Variants in ZFYVE16 observed in about 807,000 individuals in gnomAD.
ZFYVE16 encodes the protein zinc finger FYVE-type containing 16, also known as zinc finger FYVE domain-containing protein 16.
In ZFYVE16, 89 loss-of-function variants were observed where a neutral mutation model predicts 138.1. The observed-to-expected ratio is 0.64, with a 90% CI of 0.54 to 0.77. ZFYVE16 has a LOEUF of 0.77. Among genes scored for constraint, ZFYVE16 ranks in the 30% least tolerant of loss-of-function variants. The pLI is 0.00. For missense variants in ZFYVE16, 1,793 were observed against 1,786.7 expected (o/e 1.00, Z -0.06); for synonymous variants, 596 against 618.3 (o/e 0.96, Z 0.53).
intron 14 of ZFYVE16, among the ~76,000 whole-genome samples, chr5:80,458,895 A>G (rs1335979171): frequency 1.3e-5 from 2 of 152,238 alleles, no homozygotes; most frequent in Non-Finnish European, 2.9e-5. Context: ...AAACAGTACA[A>G]TACTCCATCA....
intron 1 of ZFYVE16, among the ~76,000 whole-genome samples, chr5:80,417,436 C>T (rs1355882284): frequency 2.6e-5 from 4 of 152,136 alleles, no homozygotes; most frequent in Admixed American, 6.6e-5. Context: ...TGGTTATTAA[C>T]GTGATTATCT....
intron 1 of ZFYVE16, among the ~76,000 whole-genome samples, chr5:80,419,420 C>G (rs1746750404): frequency 1.3e-5 from 2 of 152,054 alleles, no homozygotes; most frequent in Non-Finnish European, 2.9e-5. Context: ...CGTGTCTGTT[C>G]TCTTGCCAAT....
rs751491728 is a variant in ZFYVE16 at position 80,437,902 on chromosome 5, A to G, written c.1217A>G (p.Asn406Ser). 6.2e-7 allele frequency: 1 copy of G among 1,614,088 alleles called. No homozygotes were observed. Among genetic ancestry groups the G allele is most frequent in the East Asian group, 2.2e-5 (1 of 44,876 alleles). ...TTACCTCAGCATGAACATAAAGATA[A>G]TATACAAGATGCAGTGACTATACAT... ...DFLPQHEHKD[N>S]IQDAVTIHEE... is the part of the protein sequence containing the mutation. The change falls in exon 4 of 19, where the codon AAT becomes AGT. Residue 406 changes from asparagine (N) to serine (S), a missense_variant. By Grantham distance (46) the Asn-to-Ser change is conservative (BLOSUM62 1). Around this residue, in one of 2 missense-constraint regions of ZFYVE16, gnomAD observed 1,295 missense variants for 1,204.3 expected, o/e 1.08. Transcript: ENST00000505560.
In ZFYVE16 at chr5:80,437,750, T is replaced by G. The variant is rs1209324820; in HGVS notation, c.1065T>G (p.Asp355Glu). The G allele has an allele frequency of 1.2e-6, 2 of 1,614,172 alleles. No homozygotes were observed. The highest frequency in any genetic ancestry group is 1.1e-5 in the South Asian group (1 of 91,086). The change falls in exon 4 of 19, where the codon GAT (aspartate) becomes GAG (glutamate). Residue 355 changes from aspartate to glutamate, a missense_variant. Transcript: ENST00000505560. Reference protein sequence around the residue: ...DSKSLDLKDNDVIQDSSSALH... With the variant: ...DSKSLDLKDNEVIQDSSSALH... ...AAAGTTTAGACCTTAAGGATAATGA[T>G]GTAATCCAAGATTCCTCTTCAGCTT...
Position 80,437,418 on chromosome 5 carries a change from T to C in ZFYVE16, c.733T>C (p.Ser245Pro), listed in dbSNP as rs1750087418. Residue 245 changes from serine to proline, a missense_variant, in exon 4 of 19, where the codon TCA (serine) becomes CCA (proline). Around this residue, in one of 2 missense-constraint regions of ZFYVE16, gnomAD observed 1,295 missense variants for 1,204.3 expected, o/e 1.08. Transcript: ENST00000505560. ...QLESIVDFNM[S>P]SALTRQSSKM... is the part of the protein sequence containing the mutation. Reference sequence around the variant, plus strand: ...AGAATCAATTGTTGATTTTAACATGTCATCTGCTTTGACTCGACAAAGTTC... The same window carrying C: ...AGAATCAATTGTTGATTTTAACATGCCATCTGCTTTGACTCGACAAAGTTC... 1.2e-6 allele frequency: 2 copies of C among 1,604,034 alleles called. No homozygotes were observed. Among genetic ancestry groups the C allele is most frequent in the South Asian group, 2.2e-5 (2 of 89,842 alleles).
intron 9 of ZFYVE16, 81 bp from the exon 10 acceptor site, chr5:80,450,350 T>C (rs926646474): frequency 3.0e-5 from 42 of 1,396,854 alleles, no homozygotes; most frequent in Non-Finnish European, 3.6e-5. Context: ...TGAAAAGTTA[T>C]GTTAAATGCA....
intron 2 of ZFYVE16, among the ~76,000 whole-genome samples, chr5:80,430,129 AAT>A (rs1424253536): frequency 1.3e-5 from 2 of 152,212 alleles, no homozygotes; most frequent in African/African-American, 4.8e-5. Context: ...AAATCAACAG[AAT>A]ATACATTCTT....
chr5:80,436,717 G>T (rs2112357609), intron 3 of ZFYVE16, 39 bp from the exon 4 acceptor site: 6 of 1,504,488 alleles, frequency 4.0e-6, no homozygotes, highest in South Asian at 3.8e-5. Context: ...ATTTTTATTT[G>T]ATTTAAGTCT....
At position 80,477,315 on chromosome 5, in the gene ZFYVE16, T is replaced by G; in HGVS notation, c.4558T>G (p.Ser1520Ala). The change falls in exon 19 of 19, where the codon TCC (serine) becomes GCC (alanine). Residue 1520 changes from serine to alanine, a missense_variant. Physicochemically the swap from Ser to Ala is moderately conservative, Grantham distance 99. Transcript: ENST00000505560. Reference sequence around the variant, plus strand: ...GATACCTGTGATCCATGGTGGGACCTCCAACTCTAGTTTACCATTAGAAAT... The same window carrying G: ...GATACCTGTGATCCATGGTGGGACCGCCAACTCTAGTTTACCATTAGAAAT... The part of the protein sequence containing the change: ...ALIPVIHGGT[S>A]NSSLPLEIEL... The G allele has an allele frequency of 6.2e-7, 1 of 1,609,828 alleles. No individual in the cohort carries two copies. The highest frequency in any genetic ancestry group is 1.3e-5 in the African/African-American group (1 of 74,756).
rs1401360141 is a variant in ZFYVE16 at position 80,455,758 on chromosome 5, T to C, written c.3674T>C (p.Ile1225Thr). 1.3e-6 allele frequency: 2 copies of C among 1,582,934 alleles called. No individual in the cohort carries two copies. The highest frequency in any genetic ancestry group is 2.0e-5 in the Admixed American group (1 of 49,342). The change falls in exon 12 of 19, where the codon ATT (isoleucine) becomes ACT (threonine). Residue 1225 changes from isoleucine to threonine, a missense_variant. Coordinates refer to ENST00000505560, the MANE Select transcript of ZFYVE16 (RefSeq NM_001284236.3). ...KPLFGEIGHT[I>T]MNLLVDLRNY... Reference sequence around the variant, plus strand: ...CTTTTTGGAGAAATAGGACACACTATTATGAACTTACTTGTTGTGAGTAAT... The same window carrying C: ...CTTTTTGGAGAAATAGGACACACTACTATGAACTTACTTGTTGTGAGTAAT...
At chr5:80,411,622 C>A (rs1294312512) in intron 1 of ZFYVE16, 1 of 152,156 alleles carries the variant, frequency 6.6e-6, no homozygotes, top group East Asian at 1.9e-4. Flanking sequence ...CTCTTGTCCT[C>A]TTCTAAATAT....
In ZFYVE16 at chr5:80,459,450, T is replaced by C; in HGVS notation, c.3980T>C (p.Leu1327Pro). ...GASFVVFNGALKTSSGFLAKS... is the reference protein window; with the variant it reads ...GASFVVFNGAPKTSSGFLAKS... ...AGTTTTGTGGTATTCAATGGAGCTC[T>C]AAAAACATCTTCAGGATTTCTTGCT... Residue 1327 changes from leucine to proline, a missense_variant, in exon 15 of 19, where the codon CTA becomes CCA. Leu to Pro is a moderately conservative substitution (Grantham distance 98). This residue lies in a region of ZFYVE16 where 498 missense variants were observed against 582.4 expected (regional missense o/e 0.86). Transcript: ENST00000505560. 6.2e-7 allele frequency: 1 copy of C among 1,613,366 alleles called. No homozygotes were observed. The highest frequency in any genetic ancestry group is 8.5e-7 in the Non-Finnish European group (1 of 1,179,630).
chr5:80,441,412 A>T (rs186486181), intron 5 of ZFYVE16: 5 of 985,254 alleles, frequency 5.1e-6, no homozygotes, highest in Non-Finnish European at 6.0e-6. Context: ...TTCAAATTCT[A>T]TTTTGATGTC....
At chr5:80,462,583 T>A (rs1252228401) in intron 15 of ZFYVE16, among the ~76,000 whole-genome samples, 1 of 152,104 alleles carries the variant, frequency 6.6e-6, no homozygotes, top group Non-Finnish European at 1.5e-5. Context: ...AACTATATCA[T>A]TCCTCCCCTG....
chr5:80,473,135 A>G (rs893769768), intron 16 of ZFYVE16, among the ~76,000 whole-genome samples: 1 of 152,184 alleles, frequency 6.6e-6, no homozygotes, highest in African/African-American at 2.4e-5. Context: ...AGGATGGTCC[A>G]TTTGAGAGGG....
chr5:80,438,094 G>A lies in ZFYVE16; in HGVS notation c.1409G>A (p.Gly470Asp). The change falls in exon 4 of 19, where the codon GGT becomes GAT. Residue 470 changes from glycine to aspartate, a missense_variant. Gly to Asp is a moderately conservative substitution (Grantham distance 94). This residue lies in a region of ZFYVE16 where 1,295 missense variants were observed against 1,204.3 expected (regional missense o/e 1.08). Transcript: ENST00000505560. ...QTVIRAESLD[G>D]GDTSSTVVES... ...GTAATCAGAGCTGAGTCTTTGGATG[G>A]TGGTGACACCAGTTCTACAGTTGTA... is the stretch of plus-strand genomic sequence containing the variant. The A allele has an allele frequency of 6.2e-7, 1 of 1,614,090 alleles. No individual in the cohort carries two copies. Among genetic ancestry groups the A allele is most frequent in the Non-Finnish European group, 8.5e-7 (1 of 1,179,986 alleles).
chr5:80,467,286 C>A (rs1446573792), intron 15 of ZFYVE16, among the ~76,000 whole-genome samples: 1 of 152,130 alleles, frequency 6.6e-6, no homozygotes, highest in Non-Finnish European at 1.5e-5. Context: ...ATGCAAGTTG[C>A]AAATACAAGG....
chr5:80,429,671 G>T (rs915793826), intron 2 of ZFYVE16, among the ~76,000 whole-genome samples: 19 of 152,210 alleles, frequency 1.2e-4, no homozygotes, highest in Admixed American at 5.9e-4. Context: ...TGGATAAAGA[G>T]TCGAGACCCA....
At position 80,482,192 on chromosome 5, in the gene ZFYVE16, CTG is replaced by C. The variant is rs1755296437; in HGVS notation, c.*4817_*4818del. 2 of 152,120 alleles carry C rather than the reference CTG, an allele frequency of 1.3e-5. No individual in the cohort carries two copies. The highest frequency in any genetic ancestry group is 2.4e-5 in the African/African-American group (1 of 41,414). 9.4% of individuals were successfully genotyped at this position (152,120 alleles called of 1,614,324 possible). On this transcript the variant is annotated 3_prime_UTR_variant, in exon 19 of 19. Transcript: ENST00000505560. ...CAAAGGAAATATATAAAGGGAAACA[CTG>C]TTGAAATAAATGGAAAGCTAAAAGT... is the stretch of plus-strand genomic sequence containing the variant.
Sources: gnomAD v4.1 joint callset for allele counts (sites outside exome capture counted in the v4.1 genomes callset) on GRCh38, gnomAD v4.1.1 for gene constraint, gnomAD v4.1.1 regional missense constraint, MANE v1.5 for transcripts, NCBI Gene and HGNC (gene_info 2026-07-23, HGNC 2026-07-21) for gene names.